CSMD1: variants seen among roughly 807,000 people sequenced by gnomAD.
CSMD1 encodes CUB and sushi domain-containing protein 1.
A neutral mutation model predicts 417.5 loss-of-function variants in CSMD1; 213 were observed. The observed-to-expected ratio is 0.51, with a 90% CI of 0.46 to 0.57. The LOEUF (loss-of-function observed/expected upper bound fraction) is 0.57. CSMD1 is among the 20% of genes least tolerant of loss of function. The pLI is 0.00. For missense variants in CSMD1, 6,923 were observed against 4,529.7 expected (o/e 1.53, Z -15.17); for synonymous variants, 2,862 against 1,736.8 (o/e 1.65, Z -16.11).
chr8:3,240,375 C>A (rs1563174565), intron 26 of CSMD1, among the ~76,000 whole-genome samples: 1 of 152,010 alleles, frequency 6.6e-6, no homozygotes, highest in Admixed American at 6.6e-5. Context: ...GTTAGGATGG[C>A]AAAACCAGGT....
At chr8:4,876,886 AAAG>A (rs1803075948) in intron 1 of CSMD1, among the ~76,000 whole-genome samples, 1 of 152,090 alleles carries the variant, frequency 6.6e-6, no homozygotes, top group South Asian at 2.1e-4. Context: ...GCAAAAAGGC[AAAG>A]AACACATTGA....
chr8:4,410,542 A>T (rs561539350), intron 3 of CSMD1, among the ~76,000 whole-genome samples: 1 of 152,072 alleles, frequency 6.6e-6, no homozygotes, highest in South Asian at 2.1e-4. Flanking sequence ...GACATCATCC[A>T]CTCTCATTTT....
At chr8:4,932,330 A>G (rs1258534531) in intron 1 of CSMD1, among the ~76,000 whole-genome samples, 1 of 76,796 alleles carries the variant, frequency 1.3e-5, no homozygotes, top group African/African-American at 4.3e-5. Flanking sequence ...CACACTTGAC[A>G]TATTTCTAGA....
At position 3,300,217 on chromosome 8, in the gene CSMD1, C is replaced by T. The variant is rs191824139; in HGVS notation, c.3950+7478G>A. ...AAAATAAATGTTCAGAATAACATGGCGTAAAAAATAATTAAATAAAAAGAT... is the reference window on the plus strand; with the variant it reads ...AAAATAAATGTTCAGAATAACATGGTGTAAAAAATAATTAAATAAAAAGAT... On this transcript the variant is annotated intron_variant, in intron 25 of 69. Transcript: ENST00000635120. Among the ~76,000 whole-genome samples the T allele has an allele frequency of 2.3e-4, 35 of 151,214 alleles. 1 individual carries two copies. Among genetic ancestry groups the T allele is most frequent in the South Asian group, 6.3e-4 (3 of 4,758 alleles).
chr8:4,159,271 T>C (rs995211034), intron 3 of CSMD1, among the ~76,000 whole-genome samples: 1 of 152,206 alleles, frequency 6.6e-6, no homozygotes, highest in Admixed American at 6.5e-5. Context: ...GGGTAGCATT[T>C]AGTGTAAGTT....
chr8:4,034,524 T>G (rs1363019911), intron 3 of CSMD1, among the ~76,000 whole-genome samples: 6 of 152,216 alleles, frequency 3.9e-5, no homozygotes, highest in Admixed American at 3.9e-4. Flanking sequence ...ACATTAAAAG[T>G]GACATTTATA....
chr8:4,105,122 T>G (rs966276176), intron 3 of CSMD1, among the ~76,000 whole-genome samples: 2 of 152,200 alleles, frequency 1.3e-5, no homozygotes, highest in Admixed American at 6.5e-5. Flanking sequence ...GCTCCCTACA[T>G]GTAATACACA....
In CSMD1 at chr8:3,361,184, A is replaced by G. The variant is rs1037539709; in HGVS notation, c.3116-1844T>C. On this transcript the variant is annotated intron_variant, in intron 20 of 69. Coordinates refer to ENST00000635120, the MANE Select transcript of CSMD1 (RefSeq NM_033225.6). Reference sequence around the variant, plus strand: ...CTCAACAAACATTAATTGACAACCTATCATACGTTTACTTTTTAGAACATA... The same window carrying G: ...CTCAACAAACATTAATTGACAACCTGTCATACGTTTACTTTTTAGAACATA... 2.6e-5 allele frequency among the ~76,000 whole-genome samples: 4 copies of G among 152,210 alleles called. No individual in the cohort carries two copies. The East Asian group carries it at 5.8e-4, about 22-fold the overall frequency.
intron 3 of CSMD1, among the ~76,000 whole-genome samples, chr8:4,235,704 A>C (rs1053139566): frequency 6.6e-6 from 1 of 152,156 alleles, no homozygotes; most frequent in Non-Finnish European, 1.5e-5. Context: ...AATTTTATTT[A>C]TTCTTGTGAT....
chr8:3,514,303 G>T (rs1797198447), intron 10 of CSMD1, among the ~76,000 whole-genome samples: 1 of 152,144 alleles, frequency 6.6e-6, no homozygotes, highest in Non-Finnish European at 1.5e-5. Context: ...TCAGTGCATT[G>T]CAGCTAGTAG....
chr8:4,470,858 G>T (rs531811832), intron 2 of CSMD1, among the ~76,000 whole-genome samples: 73 of 152,184 alleles, frequency 4.8e-4, no homozygotes, highest in African/African-American at 1.6e-3. Flanking sequence ...TTTTTTTTGA[G>T]TTATGTAAAA....
intron 3 of CSMD1, among the ~76,000 whole-genome samples, chr8:4,111,751 A>C (rs545822593): frequency 6.6e-6 from 1 of 152,134 alleles, no homozygotes; most frequent in Non-Finnish European, 1.5e-5. Context: ...GGGCAACAAC[A>C]CACACTGGGA....
At chr8:3,736,875 T>G (rs1182630142) in intron 6 of CSMD1, among the ~76,000 whole-genome samples, 1 of 152,216 alleles carries the variant, frequency 6.6e-6, no homozygotes, top group African/African-American at 2.4e-5. Context: ...AAGCCATGCC[T>G]GGCATGTAGA....
chr8:3,635,156 G>A (rs1045085829), intron 7 of CSMD1, among the ~76,000 whole-genome samples: 1 of 152,110 alleles, frequency 6.6e-6, no homozygotes, highest in South Asian at 2.1e-4. Context: ...GCGTGTGAAG[G>A]CCAAGGACAT....
At chr8:4,930,771 C>T (rs1037580306) in intron 1 of CSMD1, among the ~76,000 whole-genome samples, 3 of 152,256 alleles carry the variant, frequency 2.0e-5, no homozygotes, top group African/African-American at 7.2e-5. Context: ...TGTTAAAGTA[C>T]ATAAATTAAG....
chr8:4,547,885 G>T (rs1379478993), intron 2 of CSMD1, among the ~76,000 whole-genome samples: 3 of 152,100 alleles, frequency 2.0e-5, no homozygotes, highest in African/African-American at 7.2e-5. Flanking sequence ...GAAGAAATCT[G>T]AGCAATAATT....
chr8:4,166,113 C>T (rs1366740386), intron 3 of CSMD1, among the ~76,000 whole-genome samples: 1 of 152,182 alleles, frequency 6.6e-6, no homozygotes, highest in Non-Finnish European at 1.5e-5. Flanking sequence ...CATAGAGCAG[C>T]ACTGTCTGAT....
chr8:4,363,419 A>G (rs984937599), intron 3 of CSMD1, among the ~76,000 whole-genome samples: 1 of 152,134 alleles, frequency 6.6e-6, no homozygotes, highest in Admixed American at 6.5e-5. Flanking sequence ...GGCCTCCAGG[A>G]TTTTATTCCT....
intron 3 of CSMD1, among the ~76,000 whole-genome samples, chr8:4,348,404 C>G (rs937026297): frequency 2.6e-5 from 4 of 151,996 alleles, no homozygotes; most frequent in Admixed American, 6.6e-5. Context: ...GGTCACAGAA[C>G]TGTAAGTGAT....
Sources: allele counts gnomAD v4.1 joint callset (sites outside exome capture counted in the v4.1 genomes callset), GRCh38; gene constraint gnomAD v4.1.1; transcripts MANE v1.5; gene names NCBI Gene and HGNC (gene_info 2026-07-23, HGNC 2026-07-21).